The following MLIP variants were observed in gnomAD, a reference collection of about 807,000 sequenced individuals.
The protein encoded by MLIP is muscular LMNA interacting protein.
In MLIP, 79 loss-of-function variants were observed where a neutral mutation model predicts 84.8. The observed-to-expected ratio is 0.93, with a 90% confidence interval of 0.78 to 1.12. The LOEUF is 1.12. Ranked by LOEUF, MLIP falls within the 50% of genes most tolerant of loss-of-function variation. MLIP has a pLI of 0.00. For synonymous variants in MLIP, 504 were observed against 463.0 expected, an observed-to-expected ratio of 1.09 and a Z score of -1.14; for missense variants, 1,257 against 1,160.6, an observed-to-expected ratio of 1.08 and a Z score of -1.21.
chr6:54,191,649 CCT>C (rs1777928869), intron 10 of MLIP, among the ~76,000 whole-genome samples: 1 of 152,110 alleles, frequency 6.6e-6, no homozygotes, highest in Non-Finnish European at 1.5e-5. Context: ...CTTTCCAAGC[CCT>C]TCCAGGGCTG....
chr6:54,041,935 G>A (rs1273726650), intron 1 of MLIP, among the ~76,000 whole-genome samples: 1 of 151,974 alleles, frequency 6.6e-6, no homozygotes, highest in Admixed American at 6.6e-5. Flanking sequence ...CCTCATATAT[G>A]TTCACATTCC....
In MLIP at chr6:54,148,363, A is replaced by G. The variant is rs532679481; in HGVS notation, c.2218-693A>G. Among the ~76,000 whole-genome samples, 5 of 152,268 alleles carry G rather than the reference A, an allele frequency of 3.3e-5. No individual in the cohort carries two copies. In the South Asian group the frequency reaches 1.0e-3, roughly 32 times the overall value. On this transcript the variant is annotated intron_variant, in intron 4 of 13. Transcript: ENST00000502396. ...CAGATATTCTACAACACTGAACTGT[A>G]TTATTCTGAGTTGTACTTAACACTT...
At chr6:54,163,438 C>T (rs1392824193) in intron 8 of MLIP, among the ~76,000 whole-genome samples, 3 of 151,750 alleles carry the variant, frequency 2.0e-5, no homozygotes, top group East Asian at 3.9e-4. Context: ...TTTTATTTCT[C>T]TTGTTTTTTT....
intron 12 of MLIP, among the ~76,000 whole-genome samples, chr6:54,238,819 T>TA (rs574118840): frequency 4.0e-5 from 6 of 151,880 alleles, no homozygotes; most frequent in African/African-American, 1.4e-4. Context: ...TTCTTTCATT[T>TA]AAAAAAAAAT....
At chr6:54,242,943 A>T (rs1281526462) in intron 12 of MLIP, among the ~76,000 whole-genome samples, 1 of 152,182 alleles carries the variant, frequency 6.6e-6, no homozygotes, top group East Asian at 1.9e-4. Flanking sequence ...GACAAAACAC[A>T]TTTATTCATT....
chr6:54,178,319 G>A (rs1189729684), intron 9 of MLIP, among the ~76,000 whole-genome samples: 1 of 151,142 alleles, frequency 6.6e-6, no homozygotes, highest in Non-Finnish European at 1.5e-5. Flanking sequence ...TTCTTTATTA[G>A]TCTGCCTAAA....
At chr6:54,255,337 G>A (rs1362931320) in intron 12 of MLIP, among the ~76,000 whole-genome samples, 1 of 152,126 alleles carries the variant, frequency 6.6e-6, no homozygotes, top group Non-Finnish European at 1.5e-5. Flanking sequence ...GTGAAACAGA[G>A]TATTACTAGT....
At chr6:54,226,764 T>TA (rs1230637423) in intron 11 of MLIP, among the ~76,000 whole-genome samples, 4 of 151,872 alleles carry the variant, frequency 2.6e-5, no homozygotes, top group Non-Finnish European at 5.9e-5. Context: ...AACAGAATAC[T>TA]AAAAAAATAA....
chr6:54,207,040 A>G (rs181710419), intron 11 of MLIP, among the ~76,000 whole-genome samples: 86 of 152,232 alleles, frequency 5.6e-4, no homozygotes, highest in African/African-American at 1.9e-3. Context: ...GTGGTTTGCT[A>G]GATTGTTTTA....
At chr6:54,183,030 T>C (rs2150644787) in intron 9 of MLIP, among the ~76,000 whole-genome samples, 1 of 152,328 alleles carries the variant, frequency 6.6e-6, no homozygotes, top group Non-Finnish European at 1.5e-5. Flanking sequence ...AGCATATTCC[T>C]TCCAAAATAT....
chr6:54,040,694 G>A (rs1764693692), intron 1 of MLIP, among the ~76,000 whole-genome samples: 1 of 152,074 alleles, frequency 6.6e-6, no homozygotes, highest in Non-Finnish European at 1.5e-5. Flanking sequence ...ATTAGAGAGA[G>A]CAAATGTAGT....
chr6:54,228,219 A>AG (rs750544768), intron 11 of MLIP, among the ~76,000 whole-genome samples: 11,553 of 143,016 alleles, frequency 0.081, 762 homozygotes, highest in East Asian at 0.2. Context: ...AAAAAAGAGA[A>AG]AGAAAAAAGA....
chr6:54,190,864 C>A (rs867084587), intron 10 of MLIP, among the ~76,000 whole-genome samples: 11 of 149,254 alleles, frequency 7.4e-5, no homozygotes, highest in Admixed American at 3.3e-4. Context: ...GGTGCGATCT[C>A]GGCTCACTGC....
intron 12 of MLIP, among the ~76,000 whole-genome samples, chr6:54,241,864 G>A (rs1490566907): frequency 9.2e-5 from 14 of 152,074 alleles, no homozygotes; most frequent in Admixed American, 9.2e-4. Flanking sequence ...TGTATTTTCA[G>A]TTCAATTATT....
intron 3 of MLIP, among the ~76,000 whole-genome samples, 171 bp from the exon 4 acceptor site, chr6:54,136,544 C>T (rs111920019): frequency 7.9e-5 from 12 of 152,108 alleles, no homozygotes; most frequent in Non-Finnish European, 1.6e-4. Context: ...TATCTTATTT[C>T]GAATTCAGAG....
chr6:54,217,371 A>G (rs1485511177), intron 11 of MLIP: 3 of 985,344 alleles, frequency 3.0e-6, no homozygotes, highest in Non-Finnish European at 3.6e-6. Flanking sequence ...CAATGGAAAC[A>G]GTTTTTGAAG....
intron 5 of MLIP, among the ~76,000 whole-genome samples, chr6:54,155,069 A>G (rs914098974): frequency 6.6e-6 from 1 of 152,126 alleles, no homozygotes; most frequent in East Asian, 1.9e-4. Context: ...TTGGGAGTAA[A>G]ATCACCAACT....
intron 11 of MLIP, chr6:54,215,359 T>C (rs896586538): frequency 7.6e-7 from 1 of 1,310,122 alleles, no homozygotes; most frequent in African/African-American, 1.5e-5. Flanking sequence ...AATTTTATCC[T>C]ACAAAAATGG....
intron 12 of MLIP, among the ~76,000 whole-genome samples, chr6:54,251,313 C>T (rs1006781243): frequency 3.1e-4 from 47 of 150,686 alleles, no homozygotes; most frequent in Admixed American, 2.0e-4. Flanking sequence ...CACAACTACC[C>T]TGCCAGAATC....
Sources: allele counts gnomAD v4.1 joint callset (sites outside exome capture counted in the v4.1 genomes callset), GRCh38; gene constraint gnomAD v4.1.1; transcripts MANE v1.5; gene names NCBI Gene and HGNC (gene_info 2026-07-23, HGNC 2026-07-21).